ARK2C: variants seen among roughly 807,000 people sequenced by gnomAD.
ARK2C encodes the protein E3 ubiquitin-protein ligase ARK2C.
chr18:46,445,221 G>A, the ARK2C span, among the ~76,000 whole-genome samples: 1 of 152,090 alleles, frequency 6.6e-6, no homozygotes, highest in East Asian at 1.9e-4. Context: ...TTGCAGTTCA[G>A]TTTCATCCTT....
At chr18:46,406,119 T>G in the ARK2C span, among the ~76,000 whole-genome samples, 1 of 151,946 alleles carries the variant, frequency 6.6e-6, no homozygotes, top group African/African-American at 2.4e-5. Flanking sequence ...TACACTCCCC[T>G]CATAGACACA....
At chr18:46,344,171 G>A in the ARK2C span, among the ~76,000 whole-genome samples, 13 of 152,308 alleles carry the variant, frequency 8.5e-5, no homozygotes, top group Middle Eastern at 3.4e-3. Context: ...AGGAAGCGGC[G>A]GCTGCTGACT....
At chr18:46,346,706 G>A in the ARK2C span, among the ~76,000 whole-genome samples, 2 of 152,144 alleles carry the variant, frequency 1.3e-5, no homozygotes, top group Admixed American at 6.5e-5. Flanking sequence ...CGAGACACCC[G>A]AAATCCTGGG....
At chr18:46,364,563 C>G in the ARK2C span, among the ~76,000 whole-genome samples, 429 of 152,264 alleles carry the variant, frequency 2.8e-3, 1 homozygote, top group African/African-American at 9.9e-3. Flanking sequence ...ACTGGAAAAG[C>G]CTTCACACCT....
the ARK2C span, chr18:46,459,574 G>C: frequency 2.0e-5 from 3 of 152,274 alleles, no homozygotes; most frequent in Non-Finnish European, 4.4e-5. Context: ...GGAGAGGGAA[G>C]CTGCTTACTT....
the ARK2C span, among the ~76,000 whole-genome samples, chr18:46,345,719 A>G: frequency 6.6e-6 from 1 of 152,204 alleles, no homozygotes; most frequent in Admixed American, 6.5e-5. Flanking sequence ...CAACTCTTCT[A>G]CCTCTATTTG....
the ARK2C span, among the ~76,000 whole-genome samples, chr18:46,367,230 C>T: frequency 1.2e-4 from 19 of 152,074 alleles, no homozygotes; most frequent in Non-Finnish European, 2.2e-4. Context: ...AATTCTGCTC[C>T]GCCTCCCATC....
At chr18:46,358,591 G>T in the ARK2C span, among the ~76,000 whole-genome samples, 1 of 152,146 alleles carries the variant, frequency 6.6e-6, no homozygotes, top group Non-Finnish European at 1.5e-5. Context: ...CTGGCCTTCA[G>T]GTGTGGTGGC....
the ARK2C span, among the ~76,000 whole-genome samples, chr18:46,373,847 G>A: frequency 1.3e-5 from 2 of 152,150 alleles, no homozygotes; most frequent in Admixed American, 6.5e-5. Flanking sequence ...GGGCTCGCTA[G>A]CCCTCAGATC....
the ARK2C span, among the ~76,000 whole-genome samples, chr18:46,415,960 C>A: frequency 6.6e-6 from 1 of 152,076 alleles, no homozygotes; most frequent in African/African-American, 2.4e-5. Context: ...AAATGGAAAC[C>A]AATTTGGACA....
chr18:46,344,540 C>T, the ARK2C span, among the ~76,000 whole-genome samples: 1 of 152,230 alleles, frequency 6.6e-6, no homozygotes, highest in African/African-American at 2.4e-5. Flanking sequence ...CTCCCACCCC[C>T]AGCGTGGAGA....
At chr18:46,334,221 G>A in the ARK2C span, 11 of 1,207,056 alleles carry the variant, frequency 9.1e-6, no homozygotes, top group African/African-American at 1.6e-5. The surrounding 1 kb of genome is among the most constrained non-coding windows in gnomAD (Gnocchi z 4.4). Context: ...CCGGAGCCGC[G>A]CCACAAAGGG....
the ARK2C span, chr18:46,433,568 G>A: frequency 1.4e-6 from 2 of 1,407,936 alleles, no homozygotes; most frequent in Admixed American, 2.2e-5. Flanking sequence ...GCAGGGCCAG[G>A]GCGTGGGCAG....
chr18:46,450,222 T>G, the ARK2C span: 2 of 908,736 alleles, frequency 2.2e-6, no homozygotes, highest in Non-Finnish European at 3.7e-6. Flanking sequence ...GGGTTACAGG[T>G]GGAGAAGTTG....
chr18:46,447,327 A>G, the ARK2C span: 1 of 459,088 alleles, frequency 2.2e-6, no homozygotes, highest in Non-Finnish European at 3.8e-6. Context: ...AGTTTAAAGA[A>G]ATTTCATAGA....
chr18:46,347,465 G>A, the ARK2C span, among the ~76,000 whole-genome samples: 1 of 152,172 alleles, frequency 6.6e-6, no homozygotes, highest in Non-Finnish European at 1.5e-5. Context: ...AGAGAGTCAC[G>A]TGGAGGGGTC....
At chr18:46,413,775 C>T in the ARK2C span, among the ~76,000 whole-genome samples, 5 of 152,208 alleles carry the variant, frequency 3.3e-5, no homozygotes, top group South Asian at 2.1e-4. Context: ...TACATATGCA[C>T]GTGGTAAGAA....
the ARK2C span, among the ~76,000 whole-genome samples, chr18:46,378,931 T>A: frequency 2.0e-5 from 3 of 152,198 alleles, no homozygotes; most frequent in African/African-American, 7.2e-5. Flanking sequence ...GTGGCTCTGA[T>A]GAATAAGCAG....
the ARK2C span, among the ~76,000 whole-genome samples, chr18:46,425,745 G>C: frequency 6.6e-6 from 1 of 152,150 alleles, no homozygotes; most frequent in African/African-American, 2.4e-5. Context: ...GTGTCCTCTT[G>C]GTGTCCTGGC....
Sources: allele counts gnomAD v4.1 joint callset (sites outside exome capture counted in the v4.1 genomes callset), GRCh38; gene constraint gnomAD v4.1.1; non-coding constraint Gnocchi (gnomAD v3.1); transcripts MANE v1.5; gene names NCBI Gene and HGNC (gene_info 2026-07-23, HGNC 2026-07-21).